Variants in REDIC1 observed in about 807,000 individuals in gnomAD.
The protein encoded by REDIC1 is regulator of DNA class I crossover intermediates 1, also known as HEI10 Interacting Protein 1.
chr12:39,740,140 A>G, the REDIC1 span, among the ~76,000 whole-genome samples: 3 of 152,188 alleles, frequency 2.0e-5, no homozygotes, highest in Non-Finnish European at 4.4e-5. Context: ...TGAGATAAAG[A>G]CAGATTTGTT....
chr12:39,803,803 A>T, the REDIC1 span, among the ~76,000 whole-genome samples: 28,539 of 152,128 alleles, frequency 0.19, 2,867 homozygotes, highest in South Asian at 0.3. Flanking sequence ...GAGAGATAAT[A>T]TGGTAAGTAA....
At chr12:39,819,586 A>G in the REDIC1 span, among the ~76,000 whole-genome samples, 107,884 of 152,062 alleles carry the variant, frequency 0.71, 39,105 homozygotes, top group African/African-American at 0.86. Context: ...TGTCCTTGAC[A>G]CTAAGCAGTA....
chr12:39,772,199 G>T, the REDIC1 span, among the ~76,000 whole-genome samples: 1 of 152,104 alleles, frequency 6.6e-6, no homozygotes, highest in South Asian at 2.1e-4. Flanking sequence ...AAGAGCACAG[G>T]GTCTAATGTC....
the REDIC1 span, among the ~76,000 whole-genome samples, chr12:39,781,738 A>T: frequency 3.9e-5 from 6 of 152,236 alleles, no homozygotes; most frequent in African/African-American, 1.4e-4. Flanking sequence ...AGCATACAAC[A>T]TAAAAGAGAT....
At chr12:39,714,270 T>C in the REDIC1 span, among the ~76,000 whole-genome samples, 1 of 118,052 alleles carries the variant, frequency 8.5e-6, no homozygotes, top group African/African-American at 2.9e-5. Context: ...TGCATATATG[T>C]ATATATGTAT....
chr12:39,655,879 T>A, the REDIC1 span, among the ~76,000 whole-genome samples: 1 of 152,192 alleles, frequency 6.6e-6, no homozygotes, highest in Non-Finnish European at 1.5e-5. Flanking sequence ...CTGAAATGGT[T>A]GTTTTTGCAC....
chr12:39,879,861 G>T, the REDIC1 span, among the ~76,000 whole-genome samples: 2 of 152,162 alleles, frequency 1.3e-5, no homozygotes, highest in Admixed American at 6.5e-5. Flanking sequence ...GAGGTGGAAT[G>T]ATGTAGTTTG....
the REDIC1 span, among the ~76,000 whole-genome samples, chr12:39,664,692 A>G: frequency 1.3e-5 from 2 of 152,212 alleles, no homozygotes; most frequent in Admixed American, 6.5e-5. Context: ...AGTCCCACCA[A>G]CAGTATAAAA....
At chr12:39,651,629 TTG>T in the REDIC1 span, among the ~76,000 whole-genome samples, 1 of 152,324 alleles carries the variant, frequency 6.6e-6, no homozygotes, top group East Asian at 1.9e-4. Flanking sequence ...ACATTTCTGT[TTG>T]TATGGGTTCC....
the REDIC1 span, among the ~76,000 whole-genome samples, chr12:39,686,071 G>A: frequency 1.3e-5 from 2 of 152,334 alleles, no homozygotes; most frequent in African/African-American, 4.8e-5. Context: ...CTGCTTTCAT[G>A]AGCTGGGGCT....
chr12:39,817,606 CA>C, the REDIC1 span, among the ~76,000 whole-genome samples: 1 of 152,132 alleles, frequency 6.6e-6, no homozygotes, highest in African/African-American at 2.4e-5. Context: ...CAGAATGCTT[CA>C]TCTATATTCA....
the REDIC1 span, among the ~76,000 whole-genome samples, chr12:39,813,146 A>G: frequency 6.6e-6 from 1 of 151,204 alleles, no homozygotes; most frequent in Non-Finnish European, 1.5e-5. Flanking sequence ...TGCCCAGCCT[A>G]TAGTATTACT....
chr12:39,797,157 T>G, the REDIC1 span, among the ~76,000 whole-genome samples: 4 of 152,208 alleles, frequency 2.6e-5, no homozygotes, highest in African/African-American at 9.6e-5. Flanking sequence ...ATTCTGATGT[T>G]ATGAAAACAA....
chr12:39,709,463 C>T, the REDIC1 span, among the ~76,000 whole-genome samples: 2 of 151,558 alleles, frequency 1.3e-5, no homozygotes, highest in African/African-American at 4.8e-5. Flanking sequence ...TGCAACAGAC[C>T]CTCGTCCTGT....
At chr12:39,821,429 T>G in the REDIC1 span, among the ~76,000 whole-genome samples, 3 of 152,054 alleles carry the variant, frequency 2.0e-5, no homozygotes, top group Non-Finnish European at 2.9e-5. Context: ...AAATTTTTTT[T>G]TGTGCCCTTC....
chr12:39,635,750 A>G, the REDIC1 span, among the ~76,000 whole-genome samples: 1 of 152,096 alleles, frequency 6.6e-6, no homozygotes, highest in Non-Finnish European at 1.5e-5. Flanking sequence ...TACGTAACAA[A>G]CCTGCATGTT....
chr12:39,900,105 A>G, the REDIC1 span, among the ~76,000 whole-genome samples: 2 of 152,182 alleles, frequency 1.3e-5, no homozygotes, highest in Admixed American at 1.3e-4. Context: ...GATTATCTCA[A>G]TAGAGGCAGA....
At chr12:39,677,286 C>T in the REDIC1 span, among the ~76,000 whole-genome samples, 13 of 151,942 alleles carry the variant, frequency 8.6e-5, no homozygotes, top group South Asian at 6.2e-4. Flanking sequence ...AGCGAGCAGG[C>T]GTAGCTATTC....
the REDIC1 span, among the ~76,000 whole-genome samples, chr12:39,794,479 A>G: frequency 2.0e-5 from 3 of 152,216 alleles, no homozygotes; most frequent in Non-Finnish European, 4.4e-5. Flanking sequence ...AATTTGATGT[A>G]TAAAATAGAC....
Sources: allele counts gnomAD v4.1 joint callset (sites outside exome capture counted in the v4.1 genomes callset), GRCh38; gene constraint gnomAD v4.1.1; transcripts MANE v1.5; gene names NCBI Gene and HGNC (gene_info 2026-07-23, HGNC 2026-07-21).